Variants in ATP9A observed in about 807,000 individuals in gnomAD.
The protein encoded by ATP9A is probable phospholipid-transporting ATPase IIA.
In ATP9A, 52 loss-of-function variants were observed where a neutral mutation model predicts 144.1. The observed-to-expected ratio is 0.36, with a 90% CI of 0.29 to 0.45. The LOEUF (loss-of-function observed/expected upper bound fraction) is 0.45. Ranked by LOEUF, ATP9A falls within the 20% of genes least tolerant of loss-of-function variation. The pLI is 1.00. For missense variants in ATP9A, 947 were observed against 1,392.7 expected (o/e 0.68, Z 5.09); for synonymous variants, 582 against 557.4 (o/e 1.04, Z -0.62).
intron 2 of ATP9A, among the ~76,000 whole-genome samples, chr20:51,728,808 T>C (rs759243180): frequency 3.3e-5 from 5 of 152,224 alleles, no homozygotes; most frequent in South Asian, 2.1e-4. Flanking sequence ...GACTATATAA[T>C]AGATTTGTGC....
intron 13 of ATP9A, among the ~76,000 whole-genome samples, chr20:51,665,767 G>GA (rs34361325): frequency 0.46 from 69,348 of 151,298 alleles, 17,370 homozygotes; most frequent in East Asian, 0.79. Flanking sequence ...TAACCCAGGG[G>GA]AAAAACCATC....
At chr20:51,743,757 C>T (rs532608827) in intron 1 of ATP9A, among the ~76,000 whole-genome samples, 4 of 149,500 alleles carry the variant, frequency 2.7e-5, no homozygotes, top group Admixed American at 2.0e-4. Flanking sequence ...GCCTATAATC[C>T]CAGCACTTTG....
At chr20:51,634,772 T>C (rs1316165536) in intron 15 of ATP9A, among the ~76,000 whole-genome samples, 1 of 147,174 alleles carries the variant, frequency 6.8e-6, no homozygotes, top group Non-Finnish European at 1.5e-5. Context: ...GGAGAATCGC[T>C]TGGACCCCGG....
At chr20:51,704,743 G>A (rs978186085) in intron 4 of ATP9A, among the ~76,000 whole-genome samples, 1 of 152,170 alleles carries the variant, frequency 6.6e-6, no homozygotes, top group Non-Finnish European at 1.5e-5. Flanking sequence ...TCGCGCCATC[G>A]CACTCTAGCC....
At position 51,668,887 on chromosome 20, in the gene ATP9A, T is replaced by G. The variant is rs1401321874; in HGVS notation, c.1293+1110A>C. Among the ~76,000 whole-genome samples, 3 of 152,190 alleles carry G rather than the reference T, an allele frequency of 2.0e-5. No homozygotes were observed. The South Asian group carries it at 6.2e-4, about 31-fold the overall frequency. The stretch of plus-strand genomic sequence containing the variant: ...CCTGGAAATCCAGCCCACTGACAAA[T>G]GTTCCAGAAAATTAAATGTCAGTTA... On this transcript the variant is annotated intron_variant, in intron 13 of 27. Coordinates refer to ENST00000338821, the MANE Select transcript of ATP9A (RefSeq NM_006045.3).
At chr20:51,646,740 C>T (rs2077343706) in intron 14 of ATP9A, among the ~76,000 whole-genome samples, 1 of 89,052 alleles carries the variant, frequency 1.1e-5, no homozygotes, top group South Asian at 4.3e-4. Context: ...TTTTTAAATA[C>T]TGCTTCAATT....
At chr20:51,670,155 T>A in intron 12 of ATP9A, 46 bp from the exon 13 acceptor site, 4 of 1,451,928 alleles carry the variant, frequency 2.8e-6, no homozygotes, top group Non-Finnish European at 3.9e-6. Context: ...CTCAGGATGT[T>A]TGTTATTATT....
chr20:51,703,533 G>A (rs1167073034), intron 4 of ATP9A, among the ~76,000 whole-genome samples: 9 of 152,160 alleles, frequency 5.9e-5, no homozygotes, highest in Non-Finnish European at 5.9e-5. Context: ...TTGTAACGGG[G>A]AACAAATTTC....
chr20:51,765,556 C>A (rs1291308139), intron 1 of ATP9A, among the ~76,000 whole-genome samples: 5 of 147,558 alleles, frequency 3.4e-5, no homozygotes, highest in Non-Finnish European at 7.4e-5. Flanking sequence ...GAGGCTGATT[C>A]AAGGAGAATC....
intron 1 of ATP9A, among the ~76,000 whole-genome samples, chr20:51,752,232 G>A (rs541184679): frequency 9.2e-5 from 14 of 152,208 alleles, no homozygotes; most frequent in Admixed American, 6.5e-4. Flanking sequence ...CTAAGCCTCC[G>A]TTTCCTGGAA....
chr20:51,688,048 C>A (rs2122813179), intron 9 of ATP9A, among the ~76,000 whole-genome samples: 1 of 152,342 alleles, frequency 6.6e-6, no homozygotes, highest in East Asian at 1.9e-4. Flanking sequence ...CTGCCTTTCA[C>A]CTGCTGTGTG....
chr20:51,658,391 T>C (rs1568806823), intron 13 of ATP9A, among the ~76,000 whole-genome samples: 1 of 151,738 alleles, frequency 6.6e-6, no homozygotes, highest in Non-Finnish European at 1.5e-5. Context: ...TGGTTTTCAA[T>C]CCATGCTCCA....
chr20:51,604,705 G>C, intron 27 of ATP9A, 112 bp downstream of exon 27: 1 of 982,910 alleles, frequency 1.0e-6, no homozygotes, highest in Non-Finnish European at 1.4e-6. Context: ...GACTGCTGGA[G>C]GAAGAGCCCA....
At chr20:51,704,182 TAAA>T (rs11086355) in intron 4 of ATP9A, among the ~76,000 whole-genome samples, 5 of 130,502 alleles carry the variant, frequency 3.8e-5, no homozygotes, top group Admixed American at 7.9e-5. Context: ...AGTGGGAACT[TAAA>T]AAAAAAAAAA....
chr20:51,614,728 T>G (rs912342055), intron 22 of ATP9A, among the ~76,000 whole-genome samples: 2 of 152,104 alleles, frequency 1.3e-5, no homozygotes, highest in Non-Finnish European at 1.5e-5. Context: ...CAAACCAGAA[T>G]TGGAACCGAA....
intron 11 of ATP9A, among the ~76,000 whole-genome samples, chr20:51,673,201 C>T (rs1308425463): frequency 1.3e-5 from 2 of 151,996 alleles, no homozygotes; most frequent in Non-Finnish European, 2.9e-5. Flanking sequence ...TGGTGAAACC[C>T]CAACTCTACT....
At chr20:51,690,428 A>T (rs1353048688) in intron 8 of ATP9A, among the ~76,000 whole-genome samples, 2 of 152,150 alleles carry the variant, frequency 1.3e-5, no homozygotes, top group Non-Finnish European at 2.9e-5. Flanking sequence ...TCAAAAAAAA[A>T]CAAGAGGACA....
intron 1 of ATP9A, among the ~76,000 whole-genome samples, chr20:51,766,080 A>T (rs1385770674): frequency 6.6e-6 from 1 of 152,234 alleles, no homozygotes; most frequent in East Asian, 1.9e-4. Flanking sequence ...CTGGCTCTCC[A>T]TATGAACGGC....
At chr20:51,676,256 A>T (rs753363151) in intron 9 of ATP9A, 48 bp from the exon 10 acceptor site, 12 of 1,432,958 alleles carry the variant, frequency 8.4e-6, no homozygotes, top group African/African-American at 1.5e-5. Flanking sequence ...ATATTAATAC[A>T]GACAGGCAGG....
Sources: gnomAD v4.1 joint callset for allele counts (sites outside exome capture counted in the v4.1 genomes callset) on GRCh38, gnomAD v4.1.1 for gene constraint, MANE v1.5 for transcripts, NCBI Gene and HGNC (gene_info 2026-07-23, HGNC 2026-07-21) for gene names.